DCC: variants seen among roughly 807,000 people sequenced by gnomAD.
DCC encodes DCC netrin 1 receptor.
Under a neutral mutation model 172.5 loss-of-function variants are expected in DCC, and 58 were observed. The observed-to-expected ratio is 0.34, with a 90% CI of 0.27 to 0.42. The LOEUF is 0.42. Among genes scored for constraint, DCC ranks in the 10% least tolerant of loss-of-function variants. The pLI, the probability that DCC is intolerant of heterozygous loss-of-function variation, is 1.00. For synonymous variants in DCC, 709 were observed against 644.5 expected (o/e 1.10, Z -1.52); for missense variants, 1,740 against 1,791.0 (o/e 0.97, Z 0.51).
intron 1 of DCC, among the ~76,000 whole-genome samples, chr18:52,656,734 C>G (rs939637757): frequency 1.3e-5 from 2 of 151,854 alleles, no homozygotes; most frequent in Non-Finnish European, 1.5e-5. Context: ...CTTTAATGGT[C>G]TGTTGTTTTC....
intron 20 of DCC, 83 bp from the exon 21 acceptor site, chr18:53,416,041 A>G (rs1341693331): frequency 1.9e-6 from 2 of 1,027,622 alleles, no homozygotes; most frequent in East Asian, 4.8e-5. Context: ...AAAACTTACT[A>G]AAAAGAACTG....
chr18:52,398,022 C>A (rs1438070998), intron 1 of DCC, among the ~76,000 whole-genome samples: 1 of 151,960 alleles, frequency 6.6e-6, no homozygotes, highest in African/African-American at 2.4e-5. Flanking sequence ...AAGGCCTCAT[C>A]AACAGCTCCT....
chr18:52,457,353 A>G lies in DCC; in HGVS notation c.91+116475A>G, dbSNP rs189505022. ...GGAGTTTATTATTCAGTATTATTTG[A>G]GGTAGGAGTGCACAGAAAATATCTT... On this transcript the variant is annotated intron_variant, in intron 1 of 28. Coordinates refer to ENST00000442544, the MANE Select transcript of DCC (RefSeq NM_005215.4). Among the ~76,000 whole-genome samples, 535 of 152,300 alleles carry G rather than the reference A, an allele frequency of 3.5e-3. 1 individual carries two copies. Among genetic ancestry groups the G allele is most frequent in the Non-Finnish European group, 6.0e-3 (406 of 68,016 alleles).
At position 52,537,592 on chromosome 18, in the gene DCC, T is replaced by C. The variant is rs181822735; in HGVS notation, c.91+196714T>C. ...GGAGGCAGCTACAGTCCACAGCATG[T>C]ACACATTTTTGGACCTCCTATAGCC... is the stretch of plus-strand genomic sequence containing the variant. On this transcript the variant is annotated intron_variant, in intron 1 of 28. Coordinates refer to ENST00000442544, the MANE Select transcript of DCC (RefSeq NM_005215.4). Among the ~76,000 whole-genome samples the C allele has an allele frequency of 2.3e-4, 35 of 152,072 alleles. No individual in the cohort carries two copies. The East Asian group carries it at 5.4e-3, about 24-fold the overall frequency.
intron 1 of DCC, among the ~76,000 whole-genome samples, chr18:52,417,656 G>A (rs192985057): frequency 6.6e-6 from 1 of 152,220 alleles, no homozygotes; most frequent in East Asian, 1.9e-4. Context: ...TCTTCCAGTT[G>A]ATTGCATCGG....
chr18:52,632,047 A>G lies in DCC; in HGVS notation c.92-120007A>G, dbSNP rs144246180. ...TCACAACCTCTTCCAAGTGACTCCC[A>G]TTCATCTTTCTGATGTCAACTTCAG... On this transcript the variant is annotated intron_variant, in intron 1 of 28. Transcript: ENST00000442544. Among the ~76,000 whole-genome samples the G allele has an allele frequency of 8.4e-3, 1,284 of 152,256 alleles. 16 individuals carry two copies. The highest frequency in any genetic ancestry group is 0.029 in the African/African-American group (1,209 of 41,526).
intron 1 of DCC, among the ~76,000 whole-genome samples, chr18:52,599,525 T>A (rs938186833): frequency 1.4e-5 from 2 of 142,972 alleles, no homozygotes; most frequent in South Asian, 4.5e-4. Flanking sequence ...TTTATAAATA[T>A]ATTATTTTAT....
At chr18:53,318,770 T>G (rs77162730) in intron 13 of DCC, among the ~76,000 whole-genome samples, 44,203 of 138,924 alleles carry the variant, frequency 0.32, 8,533 homozygotes, top group Non-Finnish European at 0.45. Flanking sequence ...TTTTTTTTTT[T>G]TGTGATCTTT....
At chr18:53,516,075 C>G (rs1214216157) in intron 27 of DCC, among the ~76,000 whole-genome samples, 2 of 145,908 alleles carry the variant, frequency 1.4e-5, no homozygotes, top group Non-Finnish European at 2.9e-5. Context: ...GTAACCAAAA[C>G]AGGATGGTAC....
At chr18:52,670,961 T>C (rs1050818964) in intron 1 of DCC, among the ~76,000 whole-genome samples, 4 of 152,230 alleles carry the variant, frequency 2.6e-5, no homozygotes, top group Non-Finnish European at 5.9e-5. Flanking sequence ...GTCCTTATCA[T>C]TGAGAAATAA....
intron 2 of DCC, among the ~76,000 whole-genome samples, chr18:52,902,343 G>GA (rs1472344148): frequency 4.6e-5 from 7 of 152,146 alleles, no homozygotes; most frequent in Non-Finnish European, 1.0e-4. Flanking sequence ...ACTATGTTTG[G>GA]AATGCATTCG....
At chr18:52,940,266 G>A (rs1466011828) in intron 5 of DCC, among the ~76,000 whole-genome samples, 6 of 152,100 alleles carry the variant, frequency 3.9e-5, no homozygotes, top group Admixed American at 3.9e-4. Context: ...ATTAAAATTG[G>A]AGTATAAGGG....
At chr18:52,916,072 C>T (rs934766070) in intron 3 of DCC, among the ~76,000 whole-genome samples, 2 of 152,002 alleles carry the variant, frequency 1.3e-5, no homozygotes, top group African/African-American at 4.8e-5. Context: ...TTTATTGTCT[C>T]GATCCTTAAA....
At chr18:52,514,668 T>G (rs1258368919) in intron 1 of DCC, among the ~76,000 whole-genome samples, 1 of 152,262 alleles carries the variant, frequency 6.6e-6, no homozygotes, top group Non-Finnish European at 1.5e-5. Context: ...TGTTATCAAC[T>G]GAGTATAATT....
intron 12 of DCC, among the ~76,000 whole-genome samples, chr18:53,262,388 TC>T (rs1173387992): frequency 6.6e-6 from 1 of 152,236 alleles, no homozygotes; most frequent in African/African-American, 2.4e-5. Context: ...ATAACTTTTT[TC>T]TTTCAACATT....
rs190177181 is a variant in DCC at position 52,505,509 on chromosome 18, T to C, written c.91+164631T>C. ...TTTAAAGAAAATATTGAATCTTCGC[T>C]AAACGGCACAAAAGAAGTTATATAT... On this transcript the variant is annotated intron_variant, in intron 1 of 28. Coordinates refer to ENST00000442544, the MANE Select transcript of DCC (RefSeq NM_005215.4). 1.6e-3 allele frequency among the ~76,000 whole-genome samples: 240 copies of C among 152,304 alleles called. 1 individual carries two copies. The highest frequency in any genetic ancestry group is 1.1e-3 in the Non-Finnish European group (78 of 68,020).
intron 5 of DCC, among the ~76,000 whole-genome samples, chr18:53,023,148 G>T (rs2041904823): frequency 6.6e-6 from 1 of 151,686 alleles, no homozygotes; most frequent in Non-Finnish European, 1.5e-5. Context: ...ATAGTAATTA[G>T]TACTACTTAA....
chr18:52,968,221 A>G (rs769302851), intron 5 of DCC, among the ~76,000 whole-genome samples: 9 of 152,194 alleles, frequency 5.9e-5, no homozygotes, highest in African/African-American at 2.2e-4. Context: ...ATCTTGGTAG[A>G]CGTTGTTAGG....
At chr18:52,485,648 G>A (rs763021840) in intron 1 of DCC, among the ~76,000 whole-genome samples, 5 of 152,100 alleles carry the variant, frequency 3.3e-5, no homozygotes, top group South Asian at 2.1e-4. Context: ...TGTTGTACAC[G>A]TATTATGAGT....
Sources: gnomAD v4.1 joint callset for allele counts (sites outside exome capture counted in the v4.1 genomes callset) on GRCh38, gnomAD v4.1.1 for gene constraint, MANE v1.5 for transcripts, NCBI Gene and HGNC (gene_info 2026-07-23, HGNC 2026-07-21) for gene names.